IL1RAPL1: variants seen among roughly 807,000 people sequenced by gnomAD.
IL1RAPL1 encodes interleukin 1 receptor accessory protein like 1, also known as interleukin-1 receptor accessory protein-like 1.
In IL1RAPL1, 3 loss-of-function variants were observed where a neutral mutation model predicts 48.4. That is an observed-to-expected ratio of 0.06 (90% CI 0.03 to 0.16). The LOEUF (loss-of-function observed/expected upper bound fraction) is 0.16. IL1RAPL1 is among the 10% of genes least tolerant of loss of function. IL1RAPL1 has a pLI of 1.00. For missense variants in IL1RAPL1, 349 were observed against 530.6 expected, an observed-to-expected ratio of 0.66 and a Z score of 3.36; for synonymous variants, 185 against 187.7, an observed-to-expected ratio of 0.99 and a Z score of 0.12.
chrX:29,569,443 A>G (rs1602302482), intron 5 of IL1RAPL1, among the ~76,000 whole-genome samples: 1 of 111,299 alleles, frequency 9.0e-6, no homozygotes, highest in East Asian at 2.8e-4. Flanking sequence ...TTTCGGGTTA[A>G]GAATAAGAAA....
chrX:29,514,224 G>A (rs190422598), intron 5 of IL1RAPL1, among the ~76,000 whole-genome samples: 86 of 111,530 alleles, frequency 7.7e-4, no homozygotes, highest in Non-Finnish European at 1.5e-3. Context: ...GATAGAAACA[G>A]CCTTCTGAAA....
At chrX:29,342,115 TG>T (rs1200357291) in intron 3 of IL1RAPL1, among the ~76,000 whole-genome samples, 1 of 43,557 alleles carries the variant, frequency 2.3e-5, no homozygotes, top group Non-Finnish European at 4.8e-5. Context: ...CCTTGTTTTG[TG>T]TGTGTGTGTG....
At chrX:29,035,316 A>G (rs919436879) in intron 2 of IL1RAPL1, among the ~76,000 whole-genome samples, 2 of 111,850 alleles carry the variant, frequency 1.8e-5, no homozygotes, top group African/African-American at 6.5e-5. Flanking sequence ...ACAGACACCT[A>G]TGACACATCC....
At chrX:28,870,135 A>T (rs1048014947) in intron 2 of IL1RAPL1, among the ~76,000 whole-genome samples, 6 of 111,142 alleles carry the variant, frequency 5.4e-5, no homozygotes, top group African/African-American at 2.0e-4. Context: ...TCATCAGTTG[A>T]TGTTCATTTC....
chrX:29,622,171 G>T (rs190948721), intron 5 of IL1RAPL1, among the ~76,000 whole-genome samples: 32 of 112,429 alleles, frequency 2.8e-4, no homozygotes, highest in Admixed American at 2.7e-3. Context: ...ATTGACTTTA[G>T]ATAAGCTTAT....
chrX:29,322,302 T>C (rs866644675), intron 3 of IL1RAPL1, among the ~76,000 whole-genome samples: 25 of 109,852 alleles, frequency 2.3e-4, no homozygotes, highest in African/African-American at 6.0e-4. Context: ...GTTTCTTTCT[T>C]GTCGCCCAGG....
At chrX:29,246,497 C>A (rs1345631558) in intron 2 of IL1RAPL1, among the ~76,000 whole-genome samples, 1 of 110,906 alleles carries the variant, frequency 9.0e-6, no homozygotes, top group Non-Finnish European at 1.9e-5. Flanking sequence ...AGTATGGCTG[C>A]TTTGAATGAT....
At chrX:29,923,098 A>G (rs995281426) in intron 8 of IL1RAPL1, among the ~76,000 whole-genome samples, 2 of 112,161 alleles carry the variant, frequency 1.8e-5, no homozygotes, top group Admixed American at 1.9e-4. Context: ...AATGGGTGGT[A>G]TGGATTCTTT....
intron 6 of IL1RAPL1, among the ~76,000 whole-genome samples, chrX:29,873,996 G>T (rs1455454061): frequency 8.9e-6 from 1 of 112,226 alleles, no homozygotes; most frequent in Non-Finnish European, 1.9e-5. Context: ...GTTTTAAAAT[G>T]CTATTGCTCT....
chrX:28,652,430 G>A lies in IL1RAPL1; in HGVS notation c.-25+64383G>A, dbSNP rs1316336068. ...GTACTTTATATTGGAAAGCAACCAA[G>A]CCTCTCTGTGCATGCACTACCCTCA... is the stretch of plus-strand genomic sequence containing the variant. On this transcript the variant is annotated intron_variant, in intron 1 of 10. Coordinates refer to ENST00000378993, the MANE Select transcript of IL1RAPL1 (RefSeq NM_014271.4). 2.7e-5 allele frequency among the ~76,000 whole-genome samples: 3 copies of A among 111,889 alleles called. No homozygotes were observed. In the East Asian group the frequency reaches 8.4e-4, roughly 31 times the overall value.
intron 5 of IL1RAPL1, among the ~76,000 whole-genome samples, chrX:29,494,120 C>G (rs201715964): frequency 1.8e-5 from 2 of 109,905 alleles, no homozygotes; most frequent in Non-Finnish European, 3.8e-5. Flanking sequence ...TCAGGCTCGT[C>G]TCAAACCCCT....
At chrX:29,335,858 G>A (rs1326668728) in intron 3 of IL1RAPL1, among the ~76,000 whole-genome samples, 2 of 110,899 alleles carry the variant, frequency 1.8e-5, no homozygotes, top group Non-Finnish European at 3.8e-5. Flanking sequence ...AAAAGTGTCA[G>A]TCTTTAACTT....
intron 2 of IL1RAPL1, among the ~76,000 whole-genome samples, chrX:28,985,255 T>C (rs771314471): frequency 1.8e-4 from 20 of 111,571 alleles, no homozygotes; most frequent in Non-Finnish European, 3.4e-4. Flanking sequence ...TCCTTGCCCA[T>C]ATAGAGCTTA....
rs148998199 is a variant in IL1RAPL1, at chrX:29,184,039, C to T, written c.83-98899C>T. 1.4e-4 allele frequency among the ~76,000 whole-genome samples: 16 copies of T among 112,020 alleles called. No individual in the cohort carries two copies. The East Asian group carries it at 4.2e-3, about 29-fold the overall frequency. ...ACAAAACTTTTTCTTGTTTTTAGGA[C>T]GTTTGCTCAAAGAAGCTTTGTGTTA... On this transcript the variant is annotated intron_variant, in intron 2 of 10. Coordinates refer to ENST00000378993, the MANE Select transcript of IL1RAPL1 (RefSeq NM_014271.4).
intron 6 of IL1RAPL1, among the ~76,000 whole-genome samples, chrX:29,680,288 G>T (rs1042317186): frequency 9.0e-6 from 1 of 111,569 alleles, no homozygotes; most frequent in Non-Finnish European, 1.9e-5. Context: ...GTGGGTCTGG[G>T]TGAGTAGAGG....
chrX:28,741,359 C>T (rs750008464), intron 1 of IL1RAPL1, among the ~76,000 whole-genome samples: 1 of 111,478 alleles, frequency 9.0e-6, no homozygotes, highest in African/African-American at 3.3e-5. Context: ...AGTGTCTGTT[C>T]ATATCCTTTG....
At chrX:29,822,801 G>A (rs985775436) in intron 6 of IL1RAPL1, among the ~76,000 whole-genome samples, 1 of 111,309 alleles carries the variant, frequency 9.0e-6, no homozygotes, top group Non-Finnish European at 1.9e-5. Context: ...AAAGGTCCTC[G>A]ACTTTGGAGA....
chrX:29,101,113 C>A (rs1338608383), intron 2 of IL1RAPL1, among the ~76,000 whole-genome samples: 2 of 111,148 alleles, frequency 1.8e-5, no homozygotes. Flanking sequence ...TTTAGCCAGA[C>A]TAACTAAGAA....
At chrX:29,560,608 TTTCTTAAGTTC>T (rs1922159683) in intron 5 of IL1RAPL1, among the ~76,000 whole-genome samples, 1 of 112,024 alleles carries the variant, frequency 8.9e-6, no homozygotes, top group Non-Finnish European at 1.9e-5. Context: ...TCAAATAATC[TTTCTTAAGTTC>T]TTATATATTT....
Sources: gnomAD v4.1 joint callset for allele counts (sites outside exome capture counted in the v4.1 genomes callset) on GRCh38, gnomAD v4.1.1 for gene constraint, MANE v1.5 for transcripts, NCBI Gene and HGNC (gene_info 2026-07-23, HGNC 2026-07-21) for gene names.